Variants in SYT9 observed in about 807,000 individuals in gnomAD.
SYT9 encodes synaptotagmin-9.
Under a neutral mutation model 48.4 loss-of-function variants are expected in SYT9, and 22 were observed. The ratio of observed to expected loss-of-function variants is 0.45; its 90% CI spans 0.32 to 0.65. The LOEUF (loss-of-function observed/expected upper bound fraction) is 0.65, where lower values mean the gene tolerates loss of function less well. SYT9 is among the 30% of genes least tolerant of loss of function. SYT9 has a pLI of 0.03. For missense variants in SYT9, 577 were observed against 622.0 expected (o/e 0.93, Z 0.77); for synonymous variants, 265 against 245.0 (o/e 1.08, Z -0.76).
intron 1 of SYT9, among the ~76,000 whole-genome samples, chr11:7,290,423 G>T (rs557539974): frequency 6.6e-6 from 1 of 152,284 alleles, no homozygotes; most frequent in East Asian, 1.9e-4. Context: ...TTTAATACAT[G>T]ATGCTTGTCC....
intron 6 of SYT9, chr11:7,435,718 C>T (rs141828260): frequency 0.041 from 6,287 of 152,346 alleles, 164 homozygotes; most frequent in Middle Eastern, 0.061. Flanking sequence ...CAGTGGCTCA[C>T]GCCTGTAATC....
intron 6 of SYT9, among the ~76,000 whole-genome samples, chr11:7,462,702 A>C (rs1393479464): frequency 1.3e-5 from 2 of 152,236 alleles, no homozygotes; most frequent in Admixed American, 1.3e-4. Flanking sequence ...TTTTTAAATA[A>C]AATTTTAAAT....
rs575214440 is a variant in SYT9, at chr11:7,434,612, G to A, written c.1467+13977G>A. Among the ~76,000 whole-genome samples, 171 of 152,252 alleles carry A rather than the reference G, an allele frequency of 1.1e-3. 1 individual carries two copies. The highest frequency in any genetic ancestry group is 2.6e-3 in the African/African-American group (109 of 41,534). ...CAAGGCCCCGTGGCTATGGAAGATC[G>A]TATCACATGACCCCAAAGTATGGCA... On this transcript the variant is annotated intron_variant, in intron 6 of 6. Coordinates refer to ENST00000318881, the MANE Select transcript of SYT9 (RefSeq NM_175733.4).
intron 3 of SYT9, chr11:7,314,142 A>G (rs1004718456): frequency 5.6e-6 from 4 of 712,710 alleles, no homozygotes; most frequent in Admixed American, 2.1e-5. Context: ...TTATTCCATG[A>G]AAACAATATT....
rs186441144 is a variant in SYT9 at position 7,394,256 on chromosome 11, C to A, written c.1045-21786C>A. Among the ~76,000 whole-genome samples the A allele has an allele frequency of 5.2e-4, 79 of 152,202 alleles. No homozygotes were observed. In the East Asian group the frequency reaches 0.014, roughly 26 times the overall value. On this transcript the variant is annotated intron_variant, in intron 3 of 6. Transcript: ENST00000318881. The stretch of plus-strand genomic sequence containing the variant: ...GATAGTTTGCTGAGAATGATGGTTT[C>A]CAGCTTCATCCATGTCCCTACAAAG...
chr11:7,378,948 C>T (rs1850505837), intron 3 of SYT9, among the ~76,000 whole-genome samples: 1 of 152,140 alleles, frequency 6.6e-6, no homozygotes, highest in African/African-American at 2.4e-5. Context: ...CACACTGTGG[C>T]AGTCAGAGCT....
chr11:7,241,791 T>A (rs1360021575), intron 1 of SYT9, among the ~76,000 whole-genome samples: 2 of 152,204 alleles, frequency 1.3e-5, no homozygotes, highest in Non-Finnish European at 1.5e-5. Flanking sequence ...TCCAGGGGGA[T>A]CGTAAGAGTC....
At chr11:7,374,008 G>A (rs1012459551) in intron 3 of SYT9, among the ~76,000 whole-genome samples, 4 of 152,036 alleles carry the variant, frequency 2.6e-5, no homozygotes, top group African/African-American at 9.7e-5. Flanking sequence ...TTGCCATGGT[G>A]GTTTCCTGCA....
intron 1 of SYT9, among the ~76,000 whole-genome samples, chr11:7,253,166 A>T (rs1033674464): frequency 6.6e-6 from 1 of 152,230 alleles, no homozygotes; most frequent in African/African-American, 2.4e-5. Flanking sequence ...AGGTCGTCTC[A>T]TCCGTTACTG....
intron 6 of SYT9, chr11:7,457,431 G>A (rs1294968202): frequency 6.6e-6 from 1 of 152,200 alleles, no homozygotes; most frequent in African/African-American, 2.4e-5. Flanking sequence ...ATGGGCCTAA[G>A]TGTTATTCAT....
chr11:7,458,064 T>C (rs1564911002), intron 6 of SYT9: 1 of 152,254 alleles, frequency 6.6e-6, no homozygotes, highest in African/African-American at 2.4e-5. Flanking sequence ...ATTGATTGAA[T>C]ACCTACTATA....
chr11:7,318,005 T>C (rs576323724), intron 3 of SYT9, among the ~76,000 whole-genome samples: 4 of 152,364 alleles, frequency 2.6e-5, no homozygotes, highest in African/African-American at 9.6e-5. Flanking sequence ...TGGATTTGTA[T>C]GAAGTCTATT....
intron 1 of SYT9, among the ~76,000 whole-genome samples, chr11:7,246,299 G>A (rs142691035): frequency 9.2e-5 from 14 of 152,280 alleles, no homozygotes; most frequent in Middle Eastern, 3.4e-3. Flanking sequence ...GCCACGACAA[G>A]TACAAGACTG....
chr11:7,309,196 G>A (rs937954999), intron 2 of SYT9, among the ~76,000 whole-genome samples: 1 of 152,040 alleles, frequency 6.6e-6, no homozygotes, highest in African/African-American at 2.4e-5. Flanking sequence ...AACAGCTTTT[G>A]CCCACCCAGA....
intron 1 of SYT9, among the ~76,000 whole-genome samples, chr11:7,288,401 A>G (rs1273730062): frequency 5.3e-5 from 8 of 151,148 alleles, no homozygotes; most frequent in Admixed American, 1.3e-4. Context: ...TGTTCCATTT[A>G]TTATTATCTA....
chr11:7,239,511 A>G (rs1276882712), intron 1 of SYT9, among the ~76,000 whole-genome samples: 1 of 152,194 alleles, frequency 6.6e-6, no homozygotes, highest in Non-Finnish European at 1.5e-5. Flanking sequence ...CCTTGGACTA[A>G]TTAGTTTTGA....
chr11:7,298,400 G>A lies in SYT9; in HGVS notation c.146-4639G>A, dbSNP rs1424762503. ...TGCTGTTTTATAAATCTCGGTACAT[G>A]AATTAATTTGCCTCTTGCATTACTG... On this transcript the variant is annotated intron_variant, in intron 1 of 6. Coordinates refer to ENST00000318881, the MANE Select transcript of SYT9 (RefSeq NM_175733.4). Among the ~76,000 whole-genome samples the A allele has an allele frequency of 7.9e-5, 12 of 152,098 alleles. No homozygotes were observed. In the East Asian group the frequency reaches 1.9e-3, roughly 24 times the overall value.
At chr11:7,260,769 C>G (rs1437136832) in intron 1 of SYT9, among the ~76,000 whole-genome samples, 1 of 152,198 alleles carries the variant, frequency 6.6e-6, no homozygotes, top group Non-Finnish European at 1.5e-5. Flanking sequence ...CCCAACATAT[C>G]ACCCTGAAAC....
rs1284870862 is a variant in SYT9 at position 7,387,655 on chromosome 11, C to CATTAATTAAAAAGT, written c.1045-28384_1045-28383insAATTAAAAAGTATT. On this transcript the variant is annotated intron_variant, in intron 3 of 6. Transcript: ENST00000318881. ...CTAACATTAATTAAAAAGCTTTCAA[C>CATTAATTAAAAAGT]ATTTCACTATTAAATACACCATTGC... 1.3e-3 allele frequency among the ~76,000 whole-genome samples: 202 copies of CATTAATTAAAAAGT among 152,266 alleles called. 2 individuals are homozygous for CATTAATTAAAAAGT. Among genetic ancestry groups the CATTAATTAAAAAGT allele is most frequent in the African/African-American group, 4.7e-3 (197 of 41,568 alleles).
Sources: allele counts gnomAD v4.1 joint callset (sites outside exome capture counted in the v4.1 genomes callset), GRCh38; gene constraint gnomAD v4.1.1; transcripts MANE v1.5; gene names NCBI Gene and HGNC (gene_info 2026-07-23, HGNC 2026-07-21).